CNTNAP2: variants seen among roughly 807,000 people sequenced by gnomAD.
The protein encoded by CNTNAP2 is contactin associated protein 2, also known as contactin-associated protein-like 2.
Under a neutral mutation model 155.2 loss-of-function variants are expected in CNTNAP2, and 98 were observed. That is an observed-to-expected ratio of 0.63 (90% CI 0.54 to 0.75). The LOEUF (loss-of-function observed/expected upper bound fraction) is 0.75. Among genes scored for constraint, CNTNAP2 ranks in the 30% least tolerant of loss-of-function variants. The pLI, the probability that CNTNAP2 is intolerant of heterozygous loss-of-function variation, is 0.00. For missense variants in CNTNAP2, 1,727 were observed against 1,688.1 expected (o/e 1.02, Z -0.40); for synonymous variants, 651 against 631.2 (o/e 1.03, Z -0.47).
intron 1 of CNTNAP2, among the ~76,000 whole-genome samples, chr7:146,440,971 G>T (rs531958542): frequency 1.3e-5 from 2 of 151,608 alleles, no homozygotes; most frequent in Admixed American, 1.3e-4. Context: ...GTTCATTCTT[G>T]TTCCCACTGG....
chr7:146,796,652 A>G (rs1434530835), intron 2 of CNTNAP2, among the ~76,000 whole-genome samples: 1 of 152,090 alleles, frequency 6.6e-6, no homozygotes, highest in Non-Finnish European at 1.5e-5. Context: ...CCTAGGTTAG[A>G]AACATAGCTT....
intron 1 of CNTNAP2, among the ~76,000 whole-genome samples, chr7:146,490,044 A>G (rs1797116070): frequency 6.6e-6 from 1 of 152,190 alleles, no homozygotes; most frequent in South Asian, 2.1e-4. Flanking sequence ...TTCTCAATCC[A>G]GTCCATAGAT....
At chr7:146,778,841 C>T (rs971305101) in intron 2 of CNTNAP2, among the ~76,000 whole-genome samples, 5 of 152,168 alleles carry the variant, frequency 3.3e-5, no homozygotes. Context: ...TCCTTTTCTT[C>T]TGCCAGAGAG....
At chr7:147,417,434 A>G (rs575371494) in intron 10 of CNTNAP2, among the ~76,000 whole-genome samples, 17 of 152,186 alleles carry the variant, frequency 1.1e-4, no homozygotes, top group African/African-American at 4.1e-4. Flanking sequence ...TTTTTAAATA[A>G]CAGCATTAAT....
At chr7:147,245,007 A>G (rs867238166) in intron 8 of CNTNAP2, among the ~76,000 whole-genome samples, 1 of 152,104 alleles carries the variant, frequency 6.6e-6, no homozygotes, top group African/African-American at 2.4e-5. Flanking sequence ...AGGCACTGAA[A>G]ACGAAATTTC....
intron 3 of CNTNAP2, among the ~76,000 whole-genome samples, chr7:146,878,379 G>A (rs1795471409): frequency 6.6e-6 from 1 of 151,082 alleles, no homozygotes; most frequent in African/African-American, 2.4e-5. Context: ...AGTCACTTAG[G>A]AATATTTTTT....
intron 1 of CNTNAP2, among the ~76,000 whole-genome samples, chr7:146,310,230 T>C (rs1358493583): frequency 1.3e-5 from 2 of 152,210 alleles, no homozygotes; most frequent in Non-Finnish European, 2.9e-5. Flanking sequence ...GTATGATAAA[T>C]GCGAATAGAA....
chr7:147,373,496 C>T (rs545767112), intron 9 of CNTNAP2, among the ~76,000 whole-genome samples: 2 of 152,086 alleles, frequency 1.3e-5, no homozygotes, highest in South Asian at 4.1e-4. Context: ...TAATTTTTTA[C>T]TGGTTAAATT....
chr7:148,263,851 A>G (rs1796620386), intron 20 of CNTNAP2, among the ~76,000 whole-genome samples: 1 of 152,190 alleles, frequency 6.6e-6, no homozygotes, highest in African/African-American at 2.4e-5. Flanking sequence ...TATAGAGATC[A>G]ACTAGGAATT....
intron 20 of CNTNAP2, among the ~76,000 whole-genome samples, chr7:148,231,761 C>T (rs1025492209): frequency 1.3e-5 from 2 of 152,096 alleles, no homozygotes; most frequent in East Asian, 1.9e-4. Context: ...GTTTGAGTCA[C>T]GTGCTCACCT....
intron 14 of CNTNAP2, among the ~76,000 whole-genome samples, chr7:147,914,782 G>T (rs756844027): frequency 1.3e-5 from 2 of 152,038 alleles, no homozygotes; most frequent in Non-Finnish European, 2.9e-5. Flanking sequence ...GAATTCCTGG[G>T]CTCAAGCAAT....
intron 4 of CNTNAP2, among the ~76,000 whole-genome samples, chr7:147,075,921 G>T (rs944542341): frequency 2.0e-5 from 3 of 152,040 alleles, no homozygotes; most frequent in African/African-American, 7.2e-5. Context: ...TCAGAATGAT[G>T]GTTTCCAGCT....
At chr7:146,877,821 T>A (rs150657017) in intron 3 of CNTNAP2, among the ~76,000 whole-genome samples, 14 of 152,170 alleles carry the variant, frequency 9.2e-5, no homozygotes, top group Non-Finnish European at 1.6e-4. Flanking sequence ...TTATAGGAGA[T>A]TCTCAGTTCA....
intron 15 of CNTNAP2, among the ~76,000 whole-genome samples, chr7:148,042,867 A>C (rs1001582691): frequency 6.6e-6 from 1 of 152,254 alleles, no homozygotes; most frequent in African/African-American, 2.4e-5. Context: ...GGAAGCAGGA[A>C]GCCATGAATG....
At chr7:146,751,419 C>G (rs1801901344) in intron 1 of CNTNAP2, among the ~76,000 whole-genome samples, 1 of 152,214 alleles carries the variant, frequency 6.6e-6, no homozygotes, top group South Asian at 2.1e-4. Context: ...GGAGTGGGAA[C>G]TAAACACACA....
chr7:146,279,198 A>G (rs1462893396), intron 1 of CNTNAP2, among the ~76,000 whole-genome samples: 1 of 152,116 alleles, frequency 6.6e-6, no homozygotes, highest in African/African-American at 2.4e-5. Flanking sequence ...ACCTAACCTA[A>G]ATAATGAATG....
chr7:146,380,269 C>G (rs1302246898), intron 1 of CNTNAP2, among the ~76,000 whole-genome samples: 1 of 152,122 alleles, frequency 6.6e-6, no homozygotes. Context: ...CACTTAATTA[C>G]TGTTTAGCAG....
chr7:147,372,504 C>T (rs1001660506), intron 9 of CNTNAP2, among the ~76,000 whole-genome samples: 2 of 152,068 alleles, frequency 1.3e-5, no homozygotes, highest in African/African-American at 4.8e-5. Flanking sequence ...ATCCCAGGAA[C>T]TTTTTTCTCC....
At chr7:146,218,382 G>A (rs554595615) in intron 1 of CNTNAP2, among the ~76,000 whole-genome samples, 41 of 152,122 alleles carry the variant, frequency 2.7e-4, no homozygotes, top group African/African-American at 9.2e-4. Context: ...GGTGGCGGGC[G>A]CCCGTAGTCC....
Sources: gnomAD v4.1 joint callset for allele counts (sites outside exome capture counted in the v4.1 genomes callset) on GRCh38, gnomAD v4.1.1 for gene constraint, MANE v1.5 for transcripts, NCBI Gene and HGNC (gene_info 2026-07-23, HGNC 2026-07-21) for gene names.